MAP2: variants seen among roughly 807,000 people sequenced by gnomAD.
MAP2 encodes the protein microtubule-associated protein 2.
In MAP2, 14 loss-of-function variants were observed where a neutral mutation model predicts 137.6. That is an observed-to-expected ratio of 0.10 (90% CI 0.07 to 0.16). The LOEUF (loss-of-function observed/expected upper bound fraction) is 0.16. Among genes scored for constraint, MAP2 ranks in the 10% least tolerant of loss-of-function variants. The probability of loss-of-function intolerance (pLI) is 1.00; values close to 1 mark genes in which losing one functional copy is unlikely to be tolerated. For synonymous variants in MAP2, 786 were observed against 782.3 expected (o/e 1.00, Z -0.08); for missense variants, 2,088 against 2,191.5 (o/e 0.95, Z 0.94).
intron 2 of MAP2, among the ~76,000 whole-genome samples, chr2:209,578,021 A>T (rs1415820690): frequency 6.6e-6 from 1 of 152,212 alleles, no homozygotes; most frequent in Non-Finnish European, 1.5e-5. Context: ...AAAATCAAAG[A>T]CAAAGGATGT....
At chr2:209,436,991 C>T (rs1216828948) in intron 1 of MAP2, among the ~76,000 whole-genome samples, 1 of 151,634 alleles carries the variant, frequency 6.6e-6, no homozygotes, top group East Asian at 1.9e-4. Flanking sequence ...AAGTCTGTGA[C>T]CAGAACAGTA....
At chr2:209,703,765 G>A (rs1191297596) in intron 11 of MAP2, among the ~76,000 whole-genome samples, 1 of 151,964 alleles carries the variant, frequency 6.6e-6, no homozygotes, top group African/African-American at 2.4e-5. Context: ...TCTTTCTTCT[G>A]TCCTTCTATC....
intron 1 of MAP2, among the ~76,000 whole-genome samples, chr2:209,434,869 A>G (rs1027032060): frequency 1.0e-5 from 1 of 96,054 alleles, no homozygotes; most frequent in African/African-American, 3.6e-5. Context: ...TATGTTATAT[A>G]TATGTTATAT....
intron 1 of MAP2, among the ~76,000 whole-genome samples, chr2:209,470,853 T>A (rs1307647901): frequency 1.3e-5 from 2 of 152,210 alleles, no homozygotes; most frequent in African/African-American, 4.8e-5. Context: ...TCCCCATTCA[T>A]CTTCTCTAAT....
At chr2:209,494,517 T>A (rs2059516958) in intron 1 of MAP2, among the ~76,000 whole-genome samples, 1 of 151,836 alleles carries the variant, frequency 6.6e-6, no homozygotes, top group African/African-American at 2.4e-5. Flanking sequence ...GCTATAGTCC[T>A]ACCAGCGCCA....
intron 7 of MAP2, among the ~76,000 whole-genome samples, chr2:209,681,489 A>G (rs1249034176): frequency 6.6e-6 from 1 of 152,164 alleles, no homozygotes; most frequent in Non-Finnish European, 1.5e-5. Flanking sequence ...TCATTGATAC[A>G]ACAGAAAGAT....
At chr2:209,645,470 A>G (rs989863499) in intron 4 of MAP2, among the ~76,000 whole-genome samples, 2 of 152,180 alleles carry the variant, frequency 1.3e-5, no homozygotes, top group African/African-American at 4.8e-5. Context: ...AAAAAAACTA[A>G]GTAATTTATT....
At chr2:209,550,599 G>T (rs964252219) in intron 2 of MAP2, among the ~76,000 whole-genome samples, 1 of 152,022 alleles carries the variant, frequency 6.6e-6, no homozygotes, top group Non-Finnish European at 1.5e-5. Flanking sequence ...TAATTTCTAA[G>T]CCAGGGTAAG....
rs113973629 is a variant in MAP2, at chr2:209,470,255, G to C, written c.-221-37337G>C. On this transcript the variant is annotated intron_variant, in intron 1 of 15. Transcript: ENST00000682079. ...GGGAGAAGATCATTAGAAACAGCTT[G>C]TCATGTACATGCACAGTGCCCCTTG... is the stretch of plus-strand genomic sequence containing the variant. 6.0e-3 allele frequency among the ~76,000 whole-genome samples: 909 copies of C among 152,238 alleles called. 6 individuals carry two copies. Among genetic ancestry groups the C allele is most frequent in the African/African-American group, 0.021 (854 of 41,548 alleles).
chr2:209,636,545 A>G (rs1228847577), intron 4 of MAP2, among the ~76,000 whole-genome samples: 2 of 144,170 alleles, frequency 1.4e-5, no homozygotes, highest in African/African-American at 2.8e-5. Context: ...GTACAATATA[A>G]TGTTATATAC....
intron 1 of MAP2, among the ~76,000 whole-genome samples, chr2:209,457,875 C>G (rs980503934): frequency 7.9e-5 from 12 of 152,252 alleles, no homozygotes; most frequent in African/African-American, 2.9e-4. Flanking sequence ...AACCACAAAC[C>G]ATGGGCCACA....
intron 5 of MAP2, among the ~76,000 whole-genome samples, chr2:209,658,772 G>A (rs1018052005): frequency 1.3e-5 from 2 of 152,118 alleles, no homozygotes; most frequent in African/African-American, 4.8e-5. Flanking sequence ...CTCCCAAAGT[G>A]CTGGGATTAC....
chr2:209,431,496 C>T (rs942089153), intron 1 of MAP2, among the ~76,000 whole-genome samples: 3 of 152,132 alleles, frequency 2.0e-5, no homozygotes, highest in Admixed American at 2.0e-4. Context: ...ATTCTCAAGA[C>T]TTGCTATTTA....
At chr2:209,616,728 G>A (rs1443857755) in intron 3 of MAP2, among the ~76,000 whole-genome samples, 1 of 152,122 alleles carries the variant, frequency 6.6e-6, no homozygotes, top group African/African-American at 2.4e-5. Context: ...ATTAGTTGGG[G>A]TGGAGTGGGG....
At chr2:209,641,413 ATTT>A (rs1413721592) in intron 4 of MAP2, among the ~76,000 whole-genome samples, 1 of 152,060 alleles carries the variant, frequency 6.6e-6, no homozygotes, top group Non-Finnish European at 1.5e-5. Context: ...TGTAAGAAAA[ATTT>A]TTATTAAAAT....
At chr2:209,667,862 T>G (rs983477670) in intron 5 of MAP2, among the ~76,000 whole-genome samples, 4 of 151,990 alleles carry the variant, frequency 2.6e-5, no homozygotes, top group Non-Finnish European at 4.4e-5. Flanking sequence ...AAACATGACT[T>G]CAGCACTTTT....
rs753363078 is a variant in MAP2, at chr2:209,696,356, CATTATT to C, written c.4180+19_4180+24del. 3.3e-6 allele frequency: 5 copies of C among 1,531,112 alleles called. No homozygotes were observed. Among genetic ancestry groups the C allele is most frequent in the Admixed American group, 2.3e-5 (1 of 44,004 alleles). The allele number at this position is 1,531,112 out of a possible 1,614,324, so 94.8% of individuals were successfully genotyped here. On this transcript the variant is annotated splice_region_variant and intron_variant, in intron 8 of 15. Transcript: ENST00000682079. ...CCTCTGGGTGGACACTCAAGGTGTG[CATTATT>C]ATTATTATTATTTTAACTCAAACAC...
intron 5 of MAP2, among the ~76,000 whole-genome samples, chr2:209,655,299 T>C (rs72999553): frequency 0.011 from 1,686 of 152,296 alleles, 17 homozygotes; most frequent in Non-Finnish European, 0.019. Context: ...TGACAAAAAT[T>C]GTAAACAGTC....
chr2:209,648,801 A>C (rs2094582776), intron 4 of MAP2, among the ~76,000 whole-genome samples: 3 of 142,636 alleles, frequency 2.1e-5, no homozygotes, highest in Admixed American at 2.0e-4. Context: ...AAAAAAAAAA[A>C]AAGAAAGAAA....
Sources: gnomAD v4.1 joint callset for allele counts (sites outside exome capture counted in the v4.1 genomes callset) on GRCh38, gnomAD v4.1.1 for gene constraint, MANE v1.5 for transcripts, NCBI Gene and HGNC (gene_info 2026-07-23, HGNC 2026-07-21) for gene names.